The following ETV6 variants were observed in gnomAD, a reference collection of about 807,000 sequenced individuals.
ETV6 encodes the protein transcription factor ETV6.
A neutral mutation model predicts 51.1 loss-of-function variants in ETV6; 16 were observed. That is an observed-to-expected ratio of 0.31 (90% CI 0.21 to 0.48). The LOEUF is 0.48. ETV6 is among the 20% of genes least tolerant of loss of function. The pLI, the probability that ETV6 is intolerant of heterozygous loss-of-function variation, is 0.99. For synonymous variants in ETV6, 240 were observed against 224.1 expected, an observed-to-expected ratio of 1.07 and a Z score of -0.64; for missense variants, 458 against 594.8, an observed-to-expected ratio of 0.77 and a Z score of 2.39.
chr12:11,780,479 G>A (rs766887898), intron 2 of ETV6, among the ~76,000 whole-genome samples: 2 of 152,156 alleles, frequency 1.3e-5, no homozygotes, highest in African/African-American at 2.4e-5. Context: ...AGCTTTTATT[G>A]GAGGTATATT....
intron 2 of ETV6, among the ~76,000 whole-genome samples, chr12:11,827,790 T>C (rs973191899): frequency 2.6e-5 from 4 of 152,150 alleles, no homozygotes; most frequent in Non-Finnish European, 5.9e-5. Context: ...TGCACAGGAA[T>C]GTTCTGCAGA....
intron 4 of ETV6, among the ~76,000 whole-genome samples, chr12:11,855,231 G>A (rs914826907): frequency 6.6e-6 from 1 of 152,046 alleles, no homozygotes; most frequent in Non-Finnish European, 1.5e-5. Context: ...GAGTGAACCC[G>A]GGAGGTGGAG....
At position 11,895,355 on chromosome 12, in the gene ETV6, A is replaced by T. The variant is rs188566560; in HGVS notation, c.*4309A>T. The T allele has an allele frequency of 8.3e-4, 192 of 230,896 alleles. No homozygotes were observed. Among genetic ancestry groups the T allele is most frequent in the Admixed American group, 3.4e-3 (60 of 17,698 alleles). 14.3% of individuals were successfully genotyped at this position (230,896 alleles called of 1,614,324 possible). On this transcript the variant is annotated 3_prime_UTR_variant, in exon 8 of 8. Coordinates refer to ENST00000396373, the MANE Select transcript of ETV6 (RefSeq NM_001987.5). ...GAGTTGCAAATAATTTTTAAAGAAA[A>T]GCCTATAATTACATCATCTCAATAA...
intron 1 of ETV6, among the ~76,000 whole-genome samples, chr12:11,653,729 G>C (rs1328822660): frequency 6.6e-6 from 1 of 152,088 alleles, no homozygotes; most frequent in Non-Finnish European, 1.5e-5. Context: ...ACTCAATAGG[G>C]CCCACTACAG....
At chr12:11,863,919 C>T (rs1946754288) in intron 4 of ETV6, among the ~76,000 whole-genome samples, 1 of 152,216 alleles carries the variant, frequency 6.6e-6, no homozygotes, top group Non-Finnish European at 1.5e-5. Flanking sequence ...TGTGCCCAGA[C>T]CACCAGGAGC....
intron 2 of ETV6, among the ~76,000 whole-genome samples, chr12:11,824,694 C>T (rs995866737): frequency 6.6e-6 from 1 of 152,054 alleles, no homozygotes; most frequent in Non-Finnish European, 1.5e-5. Context: ...CAGGATTGAA[C>T]CCTGGAGGCG....
intron 1 of ETV6, among the ~76,000 whole-genome samples, chr12:11,707,385 G>A (rs1288635063): frequency 2.6e-5 from 4 of 152,202 alleles, no homozygotes; most frequent in South Asian, 2.1e-4. Context: ...GAATCGCAGC[G>A]CTTCTCTACC....
chr12:11,730,191 C>G (rs993139653), intron 1 of ETV6, among the ~76,000 whole-genome samples: 2 of 152,206 alleles, frequency 1.3e-5, no homozygotes, highest in African/African-American at 4.8e-5. Context: ...AAAAAACATG[C>G]CTCACCATTT....
chr12:11,827,541 C>T (rs544674967), intron 2 of ETV6, among the ~76,000 whole-genome samples: 2 of 152,142 alleles, frequency 1.3e-5, no homozygotes, highest in Non-Finnish European at 2.9e-5. Context: ...TCCCAGCCCC[C>T]GCGCCCTGCC....
chr12:11,762,650 C>T (rs1019159277), intron 2 of ETV6, among the ~76,000 whole-genome samples: 4 of 152,092 alleles, frequency 2.6e-5, no homozygotes, highest in Non-Finnish European at 4.4e-5. Flanking sequence ...CATTTCCATC[C>T]GCCTCAGCCA....
At chr12:11,773,305 A>C (rs867420605) in intron 2 of ETV6, among the ~76,000 whole-genome samples, 1 of 151,234 alleles carries the variant, frequency 6.6e-6, no homozygotes, top group African/African-American at 2.4e-5. Flanking sequence ...GAGCTCAAAG[A>C]GCCATATATA....
At chr12:11,664,655 T>G (rs1403389557) in intron 1 of ETV6, among the ~76,000 whole-genome samples, 1 of 152,160 alleles carries the variant, frequency 6.6e-6, no homozygotes, top group Admixed American at 6.5e-5. Context: ...ACTAACAGAC[T>G]CTTCCCCTTG....
intron 4 of ETV6, among the ~76,000 whole-genome samples, chr12:11,867,640 G>C (rs918526094): frequency 1.5e-4 from 23 of 152,276 alleles, no homozygotes; most frequent in African/African-American, 5.5e-4. Flanking sequence ...CACTATGTCT[G>C]TCTCTGTTTA....
In ETV6 at chr12:11,664,426, G is replaced by T. The variant is rs145335001; in HGVS notation, c.33+14266G>T. On this transcript the variant is annotated intron_variant, in intron 1 of 7. Coordinates refer to ENST00000396373, the MANE Select transcript of ETV6 (RefSeq NM_001987.5). ...GAGATGGCAGCTTTTCTTGGTGGAG[G>T]TTTCTGTTACAAGAATCTAAGAGTC... is the stretch of plus-strand genomic sequence containing the variant. Among the ~76,000 whole-genome samples the T allele has an allele frequency of 8.5e-5, 13 of 152,134 alleles. No homozygotes were observed. The East Asian group carries it at 2.5e-3, about 29-fold the overall frequency.
At chr12:11,676,983 T>G (rs1864432507) in intron 1 of ETV6, among the ~76,000 whole-genome samples, 1 of 152,272 alleles carries the variant, frequency 6.6e-6, no homozygotes, top group Admixed American at 6.5e-5. Context: ...GTTAGACGTT[T>G]GCTTATGCAG....
At chr12:11,689,809 T>TCCCCCC (rs796644073) in intron 1 of ETV6, among the ~76,000 whole-genome samples, 1 of 47,086 alleles carries the variant, frequency 2.1e-5, no homozygotes, top group African/African-American at 8.2e-5. Context: ...TCTTTTTCCC[T>TCCCCCC]CCCCCCCCCC....
intron 1 of ETV6, among the ~76,000 whole-genome samples, chr12:11,661,411 G>A (rs775401054): frequency 3.3e-5 from 5 of 152,196 alleles, no homozygotes; most frequent in Admixed American, 1.3e-4. Context: ...AGGTCTTGAC[G>A]GCCACTAATG....
At chr12:11,704,674 T>G (rs1865040622) in intron 1 of ETV6, among the ~76,000 whole-genome samples, 1 of 152,124 alleles carries the variant, frequency 6.6e-6, no homozygotes, top group South Asian at 2.1e-4. Flanking sequence ...AAAAATAAAT[T>G]TTATTGTTTA....
intron 1 of ETV6, among the ~76,000 whole-genome samples, chr12:11,678,273 G>T (rs1864458873): frequency 6.6e-6 from 1 of 152,156 alleles, no homozygotes; most frequent in Non-Finnish European, 1.5e-5. Flanking sequence ...AGTGTGTGCT[G>T]CTTTTTAGCA....
Sources: allele counts gnomAD v4.1 joint callset (sites outside exome capture counted in the v4.1 genomes callset), GRCh38; gene constraint gnomAD v4.1.1; transcripts MANE v1.5; gene names NCBI Gene and HGNC (gene_info 2026-07-23, HGNC 2026-07-21).